Variants in SLC8A3 observed in about 807,000 individuals in gnomAD.
The protein encoded by SLC8A3 is solute carrier family 8 member A3.
Under a neutral mutation model 65.4 loss-of-function variants are expected in SLC8A3, and 37 were observed. That is an observed-to-expected ratio of 0.57 (90% CI 0.44 to 0.74). SLC8A3 has a LOEUF of 0.74. Among genes scored for constraint, SLC8A3 ranks in the 30% least tolerant of loss-of-function variants. The pLI is 0.00. For missense variants in SLC8A3, 1,112 were observed against 1,172.1 expected, an observed-to-expected ratio of 0.95 and a Z score of 0.75; for synonymous variants, 461 against 444.5, an observed-to-expected ratio of 1.04 and a Z score of -0.47.
intron 3 of SLC8A3, among the ~76,000 whole-genome samples, chr14:70,056,452 G>A (rs996477260): frequency 6.6e-6 from 1 of 152,120 alleles, no homozygotes; most frequent in South Asian, 2.1e-4. Context: ...TCCCCTAAAA[G>A]AATGACTTAG....
chr14:70,075,121 G>T (rs888918445), intron 2 of SLC8A3, among the ~76,000 whole-genome samples: 8 of 152,124 alleles, frequency 5.3e-5, no homozygotes, highest in Admixed American at 1.3e-4. Context: ...TCAACTGTGT[G>T]TATGTGTGTG....
Position 70,167,185 on chromosome 14 carries a change from G to A in SLC8A3, c.1238C>T (p.Ala413Val). ...CSYQCLENCG[A>V]VLLTVVRKGG... ...TTTCCTCACCACTGTCAGGAGTACA[G>A]CCCCACAGTTCTCCAGGCACTGGTA... is the stretch of plus-strand genomic sequence containing the variant. Residue 413 changes from alanine to valine, a missense_variant, in exon 2 of 7, where the codon GCT (alanine) becomes GTT (valine). Physicochemically the swap from Ala to Val is moderately conservative, Grantham distance 64. Transcript: ENST00000356921. 6.2e-7 allele frequency: 1 copy of A among 1,614,120 alleles called. No homozygotes were observed. Among genetic ancestry groups the A allele is most frequent in the Non-Finnish European group, 8.5e-7 (1 of 1,180,012 alleles).
At position 70,109,516 on chromosome 14, in the gene SLC8A3, G is replaced by A. The variant is rs567690680; in HGVS notation, c.1785-48577C>T. Among the ~76,000 whole-genome samples the A allele has an allele frequency of 2.0e-4, 31 of 151,522 alleles. No homozygotes were observed. The South Asian group carries it at 5.6e-3, about 28-fold the overall frequency. ...GTTTCCCAGTCTGGAGTGCAGTGGC[G>A]TAATCTCAGTTCACTGCAACCTCCA... is the stretch of plus-strand genomic sequence containing the variant. On this transcript the variant is annotated intron_variant, in intron 2 of 6. Coordinates refer to ENST00000356921, the MANE Select transcript of SLC8A3 (RefSeq NM_182932.3).
At chr14:70,058,828 G>GC (rs1264546903) in intron 3 of SLC8A3, among the ~76,000 whole-genome samples, 1 of 152,200 alleles carries the variant, frequency 6.6e-6, no homozygotes, top group Non-Finnish European at 1.5e-5. Flanking sequence ...TACATGTGCT[G>GC]CTTTCGTTTG....
intron 2 of SLC8A3, among the ~76,000 whole-genome samples, chr14:70,082,749 G>T (rs1400759884): frequency 1.3e-5 from 2 of 152,132 alleles, no homozygotes; most frequent in Admixed American, 6.6e-5. Context: ...AAGCCATCAA[G>T]CATTCCTCTG....
intron 2 of SLC8A3, among the ~76,000 whole-genome samples, chr14:70,105,466 G>T (rs1231353624): frequency 6.6e-6 from 1 of 152,146 alleles, no homozygotes; most frequent in African/African-American, 2.4e-5. Flanking sequence ...TATTATCAAA[G>T]ACTTTGTTGT....
At chr14:70,065,282 T>C (rs186911304) in intron 2 of SLC8A3, among the ~76,000 whole-genome samples, 3 of 152,292 alleles carry the variant, frequency 2.0e-5, no homozygotes, top group Admixed American at 2.0e-4. Context: ...ATATTGTTGA[T>C]CCTGCAGAAT....
chr14:70,114,312 G>A (rs1893512653), intron 2 of SLC8A3, among the ~76,000 whole-genome samples: 1 of 152,170 alleles, frequency 6.6e-6, no homozygotes, highest in Admixed American at 6.5e-5. Context: ...TCATTTGCAG[G>A]TAAGGAAATG....
chr14:70,130,643 T>C lies in SLC8A3; in HGVS notation c.1784+35996A>G, dbSNP rs374568478. On this transcript the variant is annotated intron_variant, in intron 2 of 6. Coordinates refer to ENST00000356921, the MANE Select transcript of SLC8A3 (RefSeq NM_182932.3). ...TGAGGAGAGCCATGAACACTCATAATACAAAGGCAGAAAAAATAACAACAG... is the reference window on the plus strand; with the variant it reads ...TGAGGAGAGCCATGAACACTCATAACACAAAGGCAGAAAAAATAACAACAG... 2.0e-5 allele frequency among the ~76,000 whole-genome samples: 3 copies of C among 152,344 alleles called. No individual in the cohort carries two copies. In the East Asian group the frequency reaches 5.8e-4, roughly 29 times the overall value.
intron 2 of SLC8A3, among the ~76,000 whole-genome samples, chr14:70,074,660 T>C (rs1890313444): frequency 6.6e-6 from 1 of 152,186 alleles, no homozygotes; most frequent in South Asian, 2.1e-4. Flanking sequence ...CAGACAGGCA[T>C]AGATCCAGGA....
chr14:70,174,668 T>TGG (rs1897776142), intron 1 of SLC8A3, among the ~76,000 whole-genome samples: 1 of 111,084 alleles, frequency 9.0e-6, no homozygotes, highest in African/African-American at 2.9e-5. Flanking sequence ...TTTTGTTTTT[T>TGG]TTTTTTTTTT....
chr14:70,090,007 G>A (rs1016038380), intron 2 of SLC8A3, among the ~76,000 whole-genome samples: 4 of 151,926 alleles, frequency 2.6e-5, no homozygotes, highest in African/African-American at 7.3e-5. Context: ...GAAGATCTGC[G>A]GGGATGTTTT....
intron 2 of SLC8A3, among the ~76,000 whole-genome samples, chr14:70,152,613 T>C (rs1308851680): frequency 6.6e-6 from 1 of 151,958 alleles, no homozygotes; most frequent in African/African-American, 2.4e-5. Context: ...GGGAGCTCTC[T>C]CAGCCTCCTA....
intron 2 of SLC8A3, among the ~76,000 whole-genome samples, chr14:70,088,635 C>G (rs937724142): frequency 5.9e-5 from 9 of 152,064 alleles, no homozygotes; most frequent in Non-Finnish European, 1.2e-4. Context: ...TAGCCTCAAC[C>G]TTTACTTTAC....
At chr14:70,161,135 A>AT (rs397837056) in intron 2 of SLC8A3, among the ~76,000 whole-genome samples, 4 of 146,142 alleles carry the variant, frequency 2.7e-5, no homozygotes, top group African/African-American at 1.0e-4. Flanking sequence ...ATATATATAT[A>AT]AATATAAATA....
chr14:70,147,960 A>G (rs186001809), intron 2 of SLC8A3, among the ~76,000 whole-genome samples: 36 of 152,228 alleles, frequency 2.4e-4, no homozygotes, highest in Admixed American at 2.2e-3. Flanking sequence ...CCTCCTTTAT[A>G]CCCTGTACAG....
At chr14:70,185,246 C>T (rs1049763964) in intron 1 of SLC8A3, among the ~76,000 whole-genome samples, 8 of 152,168 alleles carry the variant, frequency 5.3e-5, no homozygotes, top group Non-Finnish European at 1.2e-4. Flanking sequence ...GGATTACAGG[C>T]GTGAGCCACC....
intron 2 of SLC8A3, among the ~76,000 whole-genome samples, chr14:70,161,834 A>AT (rs555226846): frequency 3.3e-5 from 5 of 152,360 alleles, no homozygotes; most frequent in African/African-American, 1.2e-4. Context: ...ATTTTTATAG[A>AT]TTTTTACAGA....
intron 2 of SLC8A3, among the ~76,000 whole-genome samples, chr14:70,102,827 A>C (rs1892627970): frequency 6.6e-6 from 1 of 152,112 alleles, no homozygotes. Context: ...AACGTCATGC[A>C]GTCTAACCTA....
Sources: gnomAD v4.1 joint callset for allele counts (sites outside exome capture counted in the v4.1 genomes callset) on GRCh38, gnomAD v4.1.1 for gene constraint, MANE v1.5 for transcripts, NCBI Gene and HGNC (gene_info 2026-07-23, HGNC 2026-07-21) for gene names.